Variants in CDH23 observed in about 807,000 individuals in gnomAD.
CDH23 encodes the protein cadherin related 23.
A neutral mutation model predicts 317.1 loss-of-function variants in CDH23; 189 were observed. That is an observed-to-expected ratio of 0.60 (90% CI 0.53 to 0.67). The LOEUF is 0.67. CDH23 is among the 30% of genes least tolerant of loss of function. The pLI is 0.00. For missense variants in CDH23, 4,401 were observed against 4,592.4 expected, an observed-to-expected ratio of 0.96 and a Z score of 1.20; for synonymous variants, 1,839 against 1,876.8, an observed-to-expected ratio of 0.98 and a Z score of 0.52.
intron 6 of CDH23, among the ~76,000 whole-genome samples, chr10:71,559,111 C>T (rs1308621488): frequency 6.6e-6 from 1 of 152,308 alleles, no homozygotes; most frequent in African/African-American, 2.4e-5. Flanking sequence ...GGGTCCTGAG[C>T]TTTTCCAGTG....
intron 1 of CDH23, among the ~76,000 whole-genome samples, chr10:71,406,003 T>TA (rs1169642771): frequency 7.3e-6 from 1 of 136,760 alleles, no homozygotes; most frequent in Non-Finnish European, 1.5e-5. Context: ...TGGAAAAAGT[T>TA]AAAAAAAGCA....
intron 3 of CDH23, among the ~76,000 whole-genome samples, chr10:71,448,544 C>A (rs1025991142): frequency 6.6e-6 from 1 of 152,316 alleles, no homozygotes; most frequent in East Asian, 1.9e-4. Context: ...GCCCTCCCAG[C>A]CTCTTCTCTT....
At position 71,671,659 on chromosome 10, in the gene CDH23, G is replaced by A. The variant is rs145379237; in HGVS notation, c.1450-3453G>A. Among the ~76,000 whole-genome samples the A allele has an allele frequency of 2.0e-5, 3 of 152,064 alleles. No homozygotes were observed. In the East Asian group the frequency reaches 5.8e-4, roughly 30 times the overall value. On this transcript the variant is annotated intron_variant, in intron 14 of 69. Transcript: ENST00000224721. ...GTCGCTGCCCCTGCTGCCTGGATAG[G>A]GCAGGATGGCAGGTGGGCGGTGGAG...
intron 38 of CDH23, among the ~76,000 whole-genome samples, chr10:71,759,763 G>A (rs1025541320): frequency 1.3e-5 from 2 of 150,854 alleles, no homozygotes; most frequent in Non-Finnish European, 2.9e-5. Flanking sequence ...AGTGAGCCCA[G>A]ATCGCGCCAC....
chr10:71,593,276 G>A lies in CDH23; in HGVS notation c.832+15284G>A, dbSNP rs139919137. Among the ~76,000 whole-genome samples, 558 of 152,098 alleles carry A rather than the reference G, an allele frequency of 3.7e-3. 2 individuals carry two copies. The highest frequency in any genetic ancestry group is 9.2e-3 in the Admixed American group (141 of 15,282). On this transcript the variant is annotated intron_variant, in intron 9 of 69. Transcript: ENST00000224721. Reference sequence around the variant, plus strand: ...GGTGTTGGGAAAACTAGCTCACCACGTTGAAAAAAAATAAAGCAAGATCCC... The same window carrying A: ...GGTGTTGGGAAAACTAGCTCACCACATTGAAAAAAAATAAAGCAAGATCCC...
chr10:71,462,609 C>T (rs1204565387), intron 3 of CDH23, among the ~76,000 whole-genome samples: 1 of 152,246 alleles, frequency 6.6e-6, no homozygotes, highest in Non-Finnish European at 1.5e-5. Context: ...GGTTCTGTCA[C>T]CTCTCAGAGC....
chr10:71,813,775 G>A (rs1045561510), intron 69 of CDH23, among the ~76,000 whole-genome samples: 1 of 152,144 alleles, frequency 6.6e-6, no homozygotes, highest in Non-Finnish European at 1.5e-5. Flanking sequence ...GGGCCTGGTG[G>A]CGGACGCCTA....
intron 9 of CDH23, among the ~76,000 whole-genome samples, chr10:71,578,278 T>G (rs758172378): frequency 6.6e-6 from 1 of 152,180 alleles, no homozygotes; most frequent in African/African-American, 2.4e-5. Flanking sequence ...GTCCAAGGTC[T>G]GAGACGGTTG....
intron 20 of CDH23, among the ~76,000 whole-genome samples, chr10:71,691,942 C>A (rs763925960): frequency 1.5e-4 from 23 of 152,194 alleles, no homozygotes; most frequent in Non-Finnish European, 2.9e-4. Context: ...TGTGAGCCTC[C>A]TTTTCTATCT....
intron 46 of CDH23, 99 bp downstream of exon 46, chr10:71,790,512 G>C: frequency 1.4e-6 from 2 of 1,462,024 alleles, no homozygotes; most frequent in South Asian, 2.6e-5. Context: ...CTGGACCCAG[G>C]CTGTCCGTGG....
chr10:71,550,699 G>GTGC (rs1421452715), intron 6 of CDH23, among the ~76,000 whole-genome samples: 1 of 152,108 alleles, frequency 6.6e-6, no homozygotes, highest in Non-Finnish European at 1.5e-5. Flanking sequence ...CAGGGCCCCA[G>GTGC]TGCTGTTACT....
intron 9 of CDH23, among the ~76,000 whole-genome samples, chr10:71,578,723 C>G (rs938927009): frequency 6.6e-6 from 1 of 152,164 alleles, no homozygotes; most frequent in African/African-American, 2.4e-5. Flanking sequence ...TGCCCACCCC[C>G]CCATACATGC....
rs377526599 is a variant in CDH23, at chr10:71,740,958, C to A, written c.4617+8C>A. ...AATGTCAGTGTGAATGAGGTGAGGGCAGCCCCGGGGCCCATATAGCTGGAC... is the reference window on the plus strand; with the variant it reads ...AATGTCAGTGTGAATGAGGTGAGGGAAGCCCCGGGGCCCATATAGCTGGAC... On this transcript the variant is annotated splice_region_variant and intron_variant, in intron 37 of 69. Coordinates refer to ENST00000224721, the MANE Select transcript of CDH23 (RefSeq NM_022124.6). The A allele has an allele frequency of 2.5e-5, 40 of 1,613,720 alleles. No individual in the cohort carries two copies. The highest frequency in any genetic ancestry group is 3.3e-5 in the Non-Finnish European group (39 of 1,179,798).
intron 22 of CDH23, 50 bp downstream of exon 22, chr10:71,695,575 C>CT: frequency 7.7e-7 from 1 of 1,300,044 alleles, no homozygotes; most frequent in Non-Finnish European, 1.1e-6. Flanking sequence ...TCCCAGGGGT[C>CT]TGTGCCCCTC....
intron 19 of CDH23, among the ~76,000 whole-genome samples, chr10:71,689,188 GTGGTGGAGCCAGGGT>G (rs1865087578): frequency 1.1e-5 from 1 of 87,644 alleles, no homozygotes; most frequent in Admixed American, 1.2e-4. Flanking sequence ...AGAGTCAGGG[GTGGTGGAGCCAGGGT>G]TGGTGGAGTC....
At chr10:71,439,453 G>A (rs182193463) in intron 1 of CDH23, among the ~76,000 whole-genome samples, 1 of 152,244 alleles carries the variant, frequency 6.6e-6, no homozygotes, top group East Asian at 1.9e-4. Flanking sequence ...ACTCTTGGGG[G>A]ATGTGGTCCT....
Position 71,759,962 on chromosome 10 carries a change from CAT to C in CDH23, c.4846-17710_4846-17709del, listed in dbSNP as rs1326910459. 1.8e-4 allele frequency among the ~76,000 whole-genome samples: 21 copies of C among 116,552 alleles called. No individual in the cohort carries two copies. In the South Asian group the frequency reaches 3.2e-3, roughly 18 times the overall value. 76.5% of individuals were successfully genotyped at this position (116,552 alleles called of 152,430 possible). A position where few individuals can be genotyped will look rare whatever the true frequency, so the allele number is the denominator to read the frequency against. On this transcript the variant is annotated intron_variant, in intron 38 of 69. Coordinates refer to ENST00000224721, the MANE Select transcript of CDH23 (RefSeq NM_022124.6). ...ACACACACACATATATATACACACACATATATATACACACACACATATATATA... is the reference window on the plus strand; with the variant it reads ...ACACACACACATATATATACACACACATATATACACACACACATATATATA...
intron 11 of CDH23, among the ~76,000 whole-genome samples, chr10:71,623,168 G>T (rs1301002008): frequency 6.6e-6 from 1 of 152,178 alleles, no homozygotes; most frequent in Non-Finnish European, 1.5e-5. Flanking sequence ...CTATAAACAG[G>T]GTGAGTGAGT....
intron 3 of CDH23, among the ~76,000 whole-genome samples, chr10:71,468,450 C>T (rs1851357480): frequency 6.6e-6 from 1 of 152,198 alleles, no homozygotes; most frequent in Non-Finnish European, 1.5e-5. Context: ...TCTGTACTAG[C>T]ATCCATGATG....
Sources: allele counts gnomAD v4.1 joint callset (sites outside exome capture counted in the v4.1 genomes callset), GRCh38; gene constraint gnomAD v4.1.1; transcripts MANE v1.5; gene names NCBI Gene and HGNC (gene_info 2026-07-23, HGNC 2026-07-21).